PEX16: variants seen among roughly 807,000 people sequenced by gnomAD.
PEX16 encodes the protein peroxin 16.
Under a neutral mutation model 50.5 loss-of-function variants are expected in PEX16, and 37 were observed. The observed-to-expected ratio is 0.73, with a 90% CI of 0.56 to 0.96. The LOEUF is 0.96. Ranked by LOEUF, PEX16 falls within the 40% of genes least tolerant of loss-of-function variation. The probability of loss-of-function intolerance (pLI) is 0.00; values close to 1 mark genes in which losing one functional copy is unlikely to be tolerated. For missense variants in PEX16, 401 were observed against 438.3 expected (o/e 0.91, Z 0.76); for synonymous variants, 185 against 190.3 (o/e 0.97, Z 0.23).
chr11:45,915,961 A>C, intron 3 of PEX16, 125 bp from the exon 4 acceptor site: 2 of 991,328 alleles, frequency 2.0e-6, no homozygotes, highest in South Asian at 2.6e-5. Flanking sequence ...CTAACTGTGC[A>C]GGTGTGAGTT....
intron 2 of PEX16, among the ~76,000 whole-genome samples, chr11:45,916,692 G>A (rs1009028642): frequency 1.3e-5 from 2 of 152,064 alleles, no homozygotes; most frequent in Non-Finnish European, 2.9e-5. Flanking sequence ...TTTCTGAGTC[G>A]GAGTTTCACT....
Position 45,914,356 on chromosome 11 carries a change from G to C in PEX16, c.654C>G (p.Thr218=), listed in dbSNP as rs372347595. ...GGGCAATGTACAAAAACTCTGCGAT[G>C]GTCTCCTGCAGCCCCAGGGGGGTGG... ...ATPTPLGLQE[T]IAEFLYIARP... is the part of the protein sequence containing the mutation. The change falls in exon 7 of 11, where the codon ACC becomes ACG. Residue 218 remains threonine, a synonymous_variant. Coordinates refer to ENST00000378750, the MANE Select transcript of PEX16 (RefSeq NM_004813.4). 33 of 1,611,738 alleles carry C rather than the reference G, an allele frequency of 2.0e-5. No homozygotes were observed. In the African/African-American group the frequency reaches 2.9e-4, roughly 14 times the overall value.
Position 45,910,968 on chromosome 11 carries a change from G to A in PEX16, c.888-6C>T, listed in dbSNP as rs758078023. 1 of 1,612,582 alleles carries A rather than the reference G, an allele frequency of 6.2e-7. No individual in the cohort carries two copies. Among genetic ancestry groups the A allele is most frequent in the East Asian group, 2.2e-5 (1 of 44,882 alleles). The stretch of plus-strand genomic sequence containing the variant: ...GCAGGAAGAGGATCCTGGCCCTGGG[G>A]GAGGCAATAAATGGGGAGCAAGCTG... On this transcript the variant is annotated splice_region_variant and splice_polypyrimidine_tract_variant and intron_variant, in intron 9 of 10. Transcript: ENST00000378750.
intron 3 of PEX16, 30 bp from the exon 4 acceptor site, chr11:45,915,866 G>A (rs773851385): frequency 6.2e-7 from 1 of 1,611,784 alleles, no homozygotes; most frequent in East Asian, 2.2e-5. Context: ...AGAAGTCAGG[G>A]GGCCTGGGAC....
intron 9 of PEX16, among the ~76,000 whole-genome samples, chr11:45,913,163 G>T (rs1359860503): frequency 6.6e-6 from 1 of 152,054 alleles, no homozygotes; most frequent in African/African-American, 2.4e-5. Context: ...CTAGACAAAG[G>T]GGGTCCCGGG....
chr11:45,917,229 G>C, intron 2 of PEX16: 1 of 694,460 alleles, frequency 1.4e-6, no homozygotes, highest in African/African-American at 1.8e-5. Context: ...ACTTAGTCCA[G>C]CGCCTGGCCA....
At chr11:45,914,033 CAGG>C (rs1178228803) in intron 8 of PEX16, 95 bp from the exon 9 acceptor site, 5 of 1,580,474 alleles carry the variant, frequency 3.2e-6, no homozygotes, top group Non-Finnish European at 4.3e-6. Flanking sequence ...GGGGCAGCAA[CAGG>C]AGGAGCAGGG....
intron 5 of PEX16, 50 bp from the exon 6 acceptor site, chr11:45,914,734 C>G (rs117216336): frequency 6.7e-7 from 1 of 1,495,850 alleles, no homozygotes; most frequent in Admixed American, 1.7e-5. Context: ...ATGCTTCCAG[C>G]GGAGCCTGCA....
At position 45,914,422 on chromosome 11, in the gene PEX16, C is replaced by G. The variant is rs759501669; in HGVS notation, c.588G>C (p.Glu196Asp). The G allele has an allele frequency of 2.8e-5, 45 of 1,609,084 alleles. No homozygotes were observed. The highest frequency in any genetic ancestry group is 1.7e-4 in the Middle Eastern group (1 of 6,060). Residue 196 changes from glutamate to aspartate, a missense_variant, in exon 7 of 11, where the codon GAG becomes GAC. By Grantham distance (45) the Glu-to-Asp change is conservative. Coordinates refer to ENST00000378750, the MANE Select transcript of PEX16 (RefSeq NM_004813.4). Reference protein sequence around the residue: ...SRHWGAPQQREGRQQQHHEEL... With the variant: ...SRHWGAPQQRDGRQQQHHEEL... Reference sequence around the variant, plus strand: ...CCTCGTGATGCTGCTGCTGCCGTCCCTCCCGCTGCTGGGGAGCTCCCCAGT... The same window carrying G: ...CCTCGTGATGCTGCTGCTGCCGTCCGTCCCGCTGCTGGGGAGCTCCCCAGT...
rs1198584811 is a variant in PEX16 at position 45,914,386 on chromosome 11, C to T, written c.624G>A (p.Ala208=). 11 of 1,610,214 alleles carry T rather than the reference C, an allele frequency of 6.8e-6. No individual in the cohort carries two copies. The highest frequency in any genetic ancestry group is 2.7e-5 in the African/African-American group (2 of 74,948). Reference sequence around the variant, plus strand: ...CCTGCAGCCCCAGGGGGGTGGGGGTCGCACTCAGCTCCTCGTGATGCTGCT... The same window carrying T: ...CCTGCAGCCCCAGGGGGGTGGGGGTTGCACTCAGCTCCTCGTGATGCTGCT... ...RQQQHHEELS[A]TPTPLGLQET... Residue 208 remains alanine (A), a synonymous_variant, in exon 7 of 11, where the codon GCG becomes GCA. Transcript: ENST00000378750.
intron 2 of PEX16, among the ~76,000 whole-genome samples, chr11:45,916,752 C>T (rs1222636646): frequency 6.6e-6 from 1 of 152,240 alleles, no homozygotes; most frequent in African/African-American, 2.4e-5. Flanking sequence ...TCACTGCAAC[C>T]TCTGCCTCCC....
intron 9 of PEX16, among the ~76,000 whole-genome samples, chr11:45,912,417 T>C (rs1283647902): frequency 1.3e-5 from 2 of 151,932 alleles, no homozygotes; most frequent in Non-Finnish European, 1.5e-5. Context: ...GAGAATGGCA[T>C]GAACCCGGGA....
At chr11:45,912,264 C>T (rs2086786751) in intron 9 of PEX16, among the ~76,000 whole-genome samples, 1 of 151,804 alleles carries the variant, frequency 6.6e-6, no homozygotes, top group South Asian at 2.1e-4. Context: ...TTTGGGAGGC[C>T]GAGGCAGGCG....
chr11:45,910,781 G>C, intron 10 of PEX16, 117 bp downstream of exon 10: 1 of 1,069,554 alleles, frequency 9.3e-7, no homozygotes, highest in African/African-American at 1.5e-5. Flanking sequence ...CTGACTTCCC[G>C]ACTTCCTCTC....
At position 45,909,727 on chromosome 11, in the gene PEX16, G is replaced by A. The variant is rs1361472244; in HGVS notation, c.*527C>T. On this transcript the variant is annotated 3_prime_UTR_variant, in exon 11 of 11. Coordinates refer to ENST00000378750, the MANE Select transcript of PEX16 (RefSeq NM_004813.4). ...ATGCAGGGCTTAAAGTGCCACTTGC[G>A]TGGGAGCCAGGCTCACTGTTCACCA... The A allele has an allele frequency of 8.8e-6, 3 of 342,492 alleles. No individual in the cohort carries two copies. Among genetic ancestry groups the A allele is most frequent in the South Asian group, 3.8e-5 (1 of 26,068 alleles). The allele number at this position is 342,492 out of a possible 1,614,324, so 21.2% of individuals were successfully genotyped here. A position where few individuals can be genotyped will look rare whatever the true frequency, so the allele number is the denominator to read the frequency against.
At chr11:45,915,998 C>T (rs1462709726) in intron 3 of PEX16, among the ~76,000 whole-genome samples, 162 bp from the exon 4 acceptor site, 1 of 152,006 alleles carries the variant, frequency 6.6e-6, no homozygotes, top group African/African-American at 2.4e-5. Flanking sequence ...CATTAACAGG[C>T]TGGGGGACCT....
At chr11:45,916,390 C>G (rs1331918542) in intron 2 of PEX16, 87 bp from the exon 3 acceptor site, 2 of 1,047,834 alleles carry the variant, frequency 1.9e-6, no homozygotes, top group Admixed American at 3.4e-5. Flanking sequence ...GATCACCTGT[C>G]ACATGCTCTG....
Position 45,910,058 on chromosome 11 carries a change from G to A in PEX16, c.*196C>T, listed in dbSNP as rs1213258341. On this transcript the variant is annotated 3_prime_UTR_variant, in exon 11 of 11. Coordinates refer to ENST00000378750, the MANE Select transcript of PEX16 (RefSeq NM_004813.4). ...TTGGCCCAGCAGTGACAAGGTGCGG[G>A]CTGCAGTGGCATCGTCACAGGAGAG... 3.2e-6 allele frequency: 5 copies of A among 1,572,974 alleles called. No homozygotes were observed. Among genetic ancestry groups the A allele is most frequent in the Non-Finnish European group, 4.4e-6 (5 of 1,146,082 alleles).
At chr11:45,917,916 G>A, upstream of PEX16, 2 of 839,716 alleles carry the variant, frequency 2.4e-6, no homozygotes, top group Non-Finnish European at 3.9e-6. Flanking sequence ...CCGCCTCTTG[G>A]TTGCTTAACT....
Sources: gnomAD v4.1 joint callset for allele counts (sites outside exome capture counted in the v4.1 genomes callset) on GRCh38, gnomAD v4.1.1 for gene constraint, MANE v1.5 for transcripts, NCBI Gene and HGNC (gene_info 2026-07-23, HGNC 2026-07-21) for gene names.